CSMD1: variants seen among roughly 807,000 people sequenced by gnomAD.
CSMD1 encodes CUB and sushi domain-containing protein 1.
Under a neutral mutation model 417.5 loss-of-function variants are expected in CSMD1, and 213 were observed. That is an observed-to-expected ratio of 0.51 (90% CI 0.46 to 0.57). The LOEUF is 0.57. CSMD1 is among the 20% of genes least tolerant of loss of function. CSMD1 has a pLI of 0.00. For missense variants in CSMD1, 6,923 were observed against 4,529.7 expected (o/e 1.53, Z -15.17); for synonymous variants, 2,862 against 1,736.8 (o/e 1.65, Z -16.11).
chr8:4,473,996 T>C (rs1310656267), intron 2 of CSMD1, among the ~76,000 whole-genome samples: 3 of 152,098 alleles, frequency 2.0e-5, no homozygotes. Context: ...CACAAAAAAT[T>C]AATTTCAGAA....
intron 49 of CSMD1, among the ~76,000 whole-genome samples, chr8:3,059,701 G>C (rs1039714441): frequency 4.6e-5 from 7 of 152,174 alleles, no homozygotes; most frequent in African/African-American, 1.2e-4. Flanking sequence ...AAGCCCAGTA[G>C]GGCAGCCCAT....
intron 3 of CSMD1, among the ~76,000 whole-genome samples, chr8:4,036,956 GGTGTGTGTGTGTGTGTGTGTGTGTGTGT>G (rs57139782): frequency 1.4e-5 from 2 of 145,936 alleles, no homozygotes; most frequent in African/African-American, 2.5e-5. Context: ...GTGAGTGTGG[GGTGTGTGTGTGTGTGTGTGTGTGTGTGT>G]GTGTGTGTGT....
intron 3 of CSMD1, among the ~76,000 whole-genome samples, chr8:4,080,551 C>G (rs1171144620): frequency 6.6e-6 from 1 of 152,120 alleles, no homozygotes; most frequent in Non-Finnish European, 1.5e-5. Context: ...ATAGGTTTCT[C>G]CAGAAGATAA....
intron 7 of CSMD1, among the ~76,000 whole-genome samples, chr8:3,644,152 G>A (rs74348053): frequency 6.6e-6 from 1 of 152,274 alleles, no homozygotes; most frequent in South Asian, 2.1e-4. Context: ...TTTTCAAAAT[G>A]TTAGGCCCCC....
chr8:3,853,227 C>T (rs958050914), intron 5 of CSMD1, among the ~76,000 whole-genome samples: 5 of 152,122 alleles, frequency 3.3e-5, no homozygotes, highest in Admixed American at 6.5e-5. Context: ...TTTGTTGGTT[C>T]TTCCTTTTGG....
At chr8:4,838,469 T>C (rs10090282) in intron 1 of CSMD1, among the ~76,000 whole-genome samples, 11 of 151,772 alleles carry the variant, frequency 7.2e-5, no homozygotes, top group Non-Finnish European at 4.4e-5. Flanking sequence ...ACTGCCCTGA[T>C]GAAGATGCTT....
chr8:3,522,970 T>C (rs541767932), intron 10 of CSMD1, among the ~76,000 whole-genome samples: 3 of 150,422 alleles, frequency 2.0e-5, no homozygotes, highest in Admixed American at 6.7e-5. Context: ...TACTCATTTA[T>C]CTATTTTATA....
intron 10 of CSMD1, among the ~76,000 whole-genome samples, chr8:3,541,416 T>C (rs188612775): frequency 2.0e-4 from 30 of 152,194 alleles, no homozygotes; most frequent in Middle Eastern, 3.4e-3. Context: ...GAATAGCTAA[T>C]ACGTGTGGGG....
intron 5 of CSMD1, among the ~76,000 whole-genome samples, chr8:3,808,603 T>C (rs1208370527): frequency 2.0e-5 from 3 of 152,202 alleles, no homozygotes; most frequent in African/African-American, 7.2e-5. Flanking sequence ...CACACTGCTG[T>C]CACTATTATC....
chr8:3,700,752 T>C (rs566987094), intron 7 of CSMD1: 1 of 152,276 alleles, frequency 6.6e-6, no homozygotes, highest in East Asian at 1.9e-4. Flanking sequence ...TCCAATGTCC[T>C]CAAGAAACAG....
rs192497015 is a variant in CSMD1, at chr8:3,666,161, G to T, written c.1009+42253C>A. On this transcript the variant is annotated intron_variant, in intron 7 of 69. Transcript: ENST00000635120. The stretch of plus-strand genomic sequence containing the variant: ...TCTACATGCCCTGGCCTCCCCAAAT[G>T]CTGGGATTACAGGCATGAGCCACCA... 2.8e-3 allele frequency among the ~76,000 whole-genome samples: 420 copies of T among 152,244 alleles called. 2 individuals are homozygous for T. The highest frequency in any genetic ancestry group is 9.9e-3 in the African/African-American group (410 of 41,534).
At chr8:3,814,982 TA>T (rs1801295090) in intron 5 of CSMD1, among the ~76,000 whole-genome samples, 1 of 152,192 alleles carries the variant, frequency 6.6e-6, no homozygotes, top group Admixed American at 6.5e-5. Flanking sequence ...ATCATCTGCA[TA>T]ATAATTACTA....
At chr8:4,826,313 G>C (rs1053248341) in intron 1 of CSMD1, among the ~76,000 whole-genome samples, 1 of 151,988 alleles carries the variant, frequency 6.6e-6, no homozygotes, top group Non-Finnish European at 1.5e-5. Context: ...GTATATATGT[G>C]TGTGTGTGTA....
At chr8:4,179,942 G>C (rs1357218923) in intron 3 of CSMD1, among the ~76,000 whole-genome samples, 4 of 152,112 alleles carry the variant, frequency 2.6e-5, no homozygotes, top group Non-Finnish European at 5.9e-5. Context: ...GTGCTGGAGA[G>C]GATGTGGAGA....
chr8:3,365,122 G>T (rs1389732109), intron 20 of CSMD1, among the ~76,000 whole-genome samples: 1 of 152,166 alleles, frequency 6.6e-6, no homozygotes, highest in Non-Finnish European at 1.5e-5. Flanking sequence ...ATACACCAGG[G>T]GAGAATGCAG....
chr8:3,824,667 G>A (rs567977142), intron 5 of CSMD1, among the ~76,000 whole-genome samples: 1 of 152,240 alleles, frequency 6.6e-6, no homozygotes, highest in South Asian at 2.1e-4. Flanking sequence ...TATATATTGA[G>A]TTAATGATGT....
At chr8:4,086,865 A>G (rs995577168) in intron 3 of CSMD1, among the ~76,000 whole-genome samples, 51 of 152,342 alleles carry the variant, frequency 3.3e-4, no homozygotes, top group African/African-American at 1.1e-3. Context: ...TTCTGGTAGC[A>G]TAAGAGAGTA....
At chr8:4,270,499 G>C (rs1420712021) in intron 3 of CSMD1, among the ~76,000 whole-genome samples, 2 of 152,032 alleles carry the variant, frequency 1.3e-5, no homozygotes, top group East Asian at 3.9e-4. Context: ...CATATCTCCA[G>C]GCTTTTCTGA....
chr8:4,132,916 C>A (rs1200377068), intron 3 of CSMD1, among the ~76,000 whole-genome samples: 1 of 152,084 alleles, frequency 6.6e-6, no homozygotes, highest in Non-Finnish European at 1.5e-5. Flanking sequence ...ATCCTGAAGA[C>A]TATGGTAAAA....
Sources: gnomAD v4.1 joint callset for allele counts (sites outside exome capture counted in the v4.1 genomes callset) on GRCh38, gnomAD v4.1.1 for gene constraint, MANE v1.5 for transcripts, NCBI Gene and HGNC (gene_info 2026-07-23, HGNC 2026-07-21) for gene names.